Variants in RYR3 observed in about 807,000 individuals in gnomAD.
The protein encoded by RYR3 is brain ryanodine receptor-calcium release channel.
In RYR3, 207 loss-of-function variants were observed where a neutral mutation model predicts 584.3. That is an observed-to-expected ratio of 0.35 (90% CI 0.32 to 0.40). The LOEUF is 0.40. Ranked by LOEUF, RYR3 falls within the 10% of genes least tolerant of loss-of-function variation. RYR3 has a pLI of 1.00. For missense variants in RYR3, 5,616 were observed against 6,089.2 expected (o/e 0.92, Z 2.59); for synonymous variants, 2,416 against 2,248.5 (o/e 1.07, Z -2.11).
intron 12 of RYR3, among the ~76,000 whole-genome samples, chr15:33,569,285 C>T (rs1032234800): frequency 2.6e-5 from 4 of 152,078 alleles, no homozygotes; most frequent in African/African-American, 9.7e-5. Context: ...GTAAAATATA[C>T]ATCACATAAA....
chr15:33,441,877 A>G (rs1413532195), intron 1 of RYR3, among the ~76,000 whole-genome samples: 2 of 152,282 alleles, frequency 1.3e-5, no homozygotes, highest in African/African-American at 4.8e-5. Flanking sequence ...TTTCCTTGAG[A>G]GTAGGAAAGA....
chr15:33,655,810 G>A (rs1342599618), intron 32 of RYR3, among the ~76,000 whole-genome samples: 1 of 152,222 alleles, frequency 6.6e-6, no homozygotes, highest in African/African-American at 2.4e-5. Context: ...GTCCCTGACA[G>A]TGGGATCGTT....
intron 1 of RYR3, among the ~76,000 whole-genome samples, chr15:33,326,877 A>G (rs879544010): frequency 5.9e-5 from 9 of 152,232 alleles, no homozygotes; most frequent in Non-Finnish European, 1.2e-4. Context: ...AAGGTAGACT[A>G]TATAGACATA....
At chr15:33,674,746 A>G (rs953126572) in intron 38 of RYR3, among the ~76,000 whole-genome samples, 2 of 151,694 alleles carry the variant, frequency 1.3e-5, no homozygotes, top group Non-Finnish European at 2.9e-5. Flanking sequence ...GTCTGTGAAG[A>G]ATGTAGATGG....
chr15:33,525,794 A>G (rs1196308457), intron 3 of RYR3, among the ~76,000 whole-genome samples: 1 of 152,210 alleles, frequency 6.6e-6, no homozygotes, highest in Non-Finnish European at 1.5e-5. Flanking sequence ...ATCAAAGGAA[A>G]TGCAAACCTC....
At chr15:33,404,644 A>G (rs1595995017) in intron 1 of RYR3, among the ~76,000 whole-genome samples, 1 of 150,562 alleles carries the variant, frequency 6.6e-6, no homozygotes, top group Middle Eastern at 3.2e-3. Flanking sequence ...GTCACTTTTC[A>G]AAGTATACAA....
In RYR3 at chr15:33,634,632, T is replaced by C; in HGVS notation, c.3074T>C (p.Leu1025Pro). 1 of 1,613,948 alleles carries C rather than the reference T, an allele frequency of 6.2e-7. No individual in the cohort carries two copies. Among genetic ancestry groups the C allele is most frequent in the East Asian group, 2.2e-5 (1 of 44,870 alleles). Residue 1025 changes from leucine to proline, a missense_variant, in exon 25 of 104, where the codon CTG becomes CCG. Leu to Pro is a moderately conservative substitution (Grantham distance 98). Around this residue, in one of 9 missense-constraint regions of RYR3, gnomAD observed 1,284 missense variants for 1,344.6 expected, o/e 0.95. Transcript: ENST00000634891. ...CCCCGTCTGGTGCCATATGCATTACTGGATGAGCGTACCAAGAAGTCAAAC... is the reference window on the plus strand; with the variant it reads ...CCCCGTCTGGTGCCATATGCATTACCGGATGAGCGTACCAAGAAGTCAAAC... Reference protein sequence around the residue: ...RNPRLVPYALLDERTKKSNRD... With the variant: ...RNPRLVPYALPDERTKKSNRD...
chr15:33,635,492 C>T lies in RYR3; in HGVS notation c.3176-122C>T, dbSNP rs370658876. On this transcript the variant is annotated intron_variant, in intron 25 of 103. Coordinates refer to ENST00000634891, the MANE Select transcript of RYR3 (RefSeq NM_001036.6). The stretch of plus-strand genomic sequence containing the variant: ...ACAGAATGCCATATTGGATAGTAGT[C>T]GACCTATGGTCAGTCTTAGATGTTC... 4.7e-5 allele frequency: 33 copies of T among 708,052 alleles called. No individual in the cohort carries two copies. The East Asian group carries it at 5.1e-4, about 11-fold the overall frequency. The allele number at this position is 708,052 out of a possible 1,614,324, so 43.9% of individuals were successfully genotyped here. A position where few individuals can be genotyped will look rare whatever the true frequency, so the allele number is the denominator to read the frequency against.
intron 27 of RYR3, among the ~76,000 whole-genome samples, chr15:33,637,674 A>G (rs1312679579): frequency 6.6e-6 from 1 of 152,254 alleles, no homozygotes; most frequent in African/African-American, 2.4e-5. Context: ...CAAATACATG[A>G]AACTGTGTGT....
chr15:33,475,799 C>G (rs572067502), intron 2 of RYR3, among the ~76,000 whole-genome samples: 1 of 152,172 alleles, frequency 6.6e-6, no homozygotes, highest in Non-Finnish European at 1.5e-5. Flanking sequence ...CTGTCAGGAT[C>G]AAATGGGTTC....
intron 52 of RYR3, among the ~76,000 whole-genome samples, chr15:33,742,648 A>G (rs2070268845): frequency 6.6e-6 from 1 of 152,176 alleles, no homozygotes. Flanking sequence ...TTGCTTTTGT[A>G]TTTCTCAAGA....
At chr15:33,513,018 GCAA>G (rs1567414370) in intron 3 of RYR3, among the ~76,000 whole-genome samples, 2 of 152,134 alleles carry the variant, frequency 1.3e-5, no homozygotes, top group African/African-American at 4.8e-5. Flanking sequence ...TGCGTTTCTG[GCAA>G]CATGTTTTAA....
rs776032121 is a variant in RYR3 at position 33,838,256 on chromosome 15, C to A, written c.12276C>A (p.Thr4092=). The A allele has an allele frequency of 1.2e-6, 2 of 1,613,964 alleles. No individual in the cohort carries two copies. The highest frequency in any genetic ancestry group is 1.7e-6 in the Non-Finnish European group (2 of 1,179,890). Residue 4092 remains threonine (T), a synonymous_variant, in exon 89 of 104, where the codon ACC becomes ACA. Coordinates refer to ENST00000634891, the MANE Select transcript of RYR3 (RefSeq NM_001036.6). ...TGTTTGTGAACTTCTGTGAGGACAC[C>A]ATCTTTGAAATGCAGTTAGCATCTC... ...MELFVNFCED[T]IFEMQLASQI... is the part of the protein sequence containing the mutation.
chr15:33,823,953 G>A (rs532265831), intron 81 of RYR3, among the ~76,000 whole-genome samples: 6 of 152,180 alleles, frequency 3.9e-5, no homozygotes, highest in African/African-American at 9.6e-5. Context: ...GTAAAATATC[G>A]TACCCTGGGC....
At position 33,669,435 on chromosome 15, in the gene RYR3, G is replaced by A. The variant is rs1360380320; in HGVS notation, c.5701G>A (p.Glu1901Lys). ...EIREELYDFH[E>K]DLLLHCGVPL... is the part of the protein sequence containing the mutation. ...TCGGGAGGAGCTGTATGATTTCCAT[G>A]AGGACCTTCTCCTTCACTGTGGTAA... Residue 1901 changes from glutamate to lysine, a missense_variant, in exon 37 of 104, where the codon GAG becomes AAG. This residue lies in a region of RYR3 where 1,280 missense variants were observed against 1,426.2 expected (regional missense o/e 0.90). Coordinates refer to ENST00000634891, the MANE Select transcript of RYR3 (RefSeq NM_001036.6). The A allele has an allele frequency of 3.1e-6, 5 of 1,613,828 alleles. No homozygotes were observed. Among genetic ancestry groups the A allele is most frequent in the African/African-American group, 2.7e-5 (2 of 74,922 alleles).
intron 46 of RYR3, among the ~76,000 whole-genome samples, chr15:33,727,096 G>A (rs368254846): frequency 8.5e-4 from 129 of 152,238 alleles, no homozygotes; most frequent in African/African-American, 3.0e-3. Flanking sequence ...GTTTTCCCCT[G>A]GGTCCCCCAG....
At chr15:33,600,696 C>T (rs2059617538) in intron 16 of RYR3, among the ~76,000 whole-genome samples, 1 of 151,960 alleles carries the variant, frequency 6.6e-6, no homozygotes, top group Admixed American at 6.6e-5. Context: ...TTTAGAATAC[C>T]AATCTCCAGA....
intron 10 of RYR3, among the ~76,000 whole-genome samples, chr15:33,562,058 C>T (rs903751402): frequency 5.9e-5 from 9 of 152,032 alleles, no homozygotes; most frequent in African/African-American, 1.9e-4. Context: ...TATAACCATT[C>T]AGAATAGAAC....
At chr15:33,465,239 CT>C (rs1042091583) in intron 1 of RYR3, among the ~76,000 whole-genome samples, 1 of 148,948 alleles carries the variant, frequency 6.7e-6, no homozygotes, top group African/African-American at 2.4e-5. Flanking sequence ...ATCACATTTT[CT>C]TTGGAGATAT....
Sources: allele counts gnomAD v4.1 joint callset (sites outside exome capture counted in the v4.1 genomes callset), GRCh38; gene constraint gnomAD v4.1.1; regional missense constraint gnomAD v4.1.1; transcripts MANE v1.5; gene names NCBI Gene and HGNC (gene_info 2026-07-23, HGNC 2026-07-21).